The following SETD7 variants were observed in gnomAD, a reference collection of about 807,000 sequenced individuals.
The protein encoded by SETD7 is histone-lysine N-methyltransferase SETD7.
SETD7 carries 16 observed loss-of-function variants against 41.8 expected under a neutral mutation model. That is an observed-to-expected ratio of 0.38 (90% CI 0.26 to 0.58). The LOEUF (loss-of-function observed/expected upper bound fraction) is 0.58. Ranked by LOEUF, SETD7 falls within the 20% of genes least tolerant of loss-of-function variation. SETD7 has a pLI of 0.64. For synonymous variants in SETD7, 163 were observed against 169.7 expected (o/e 0.96, Z 0.31); for missense variants, 346 against 459.7 (o/e 0.75, Z 2.26).
chr4:139,517,994 C>T lies in SETD7; in HGVS notation c.811G>A (p.Glu271Lys). The part of the protein sequence containing the change: ...ALNGNTLSLD[E>K]ETVIDVPEPY... ...TCAGGCACATCAATGACCGTTTCTTCATCAAGGGAGAGGGTGTTCCCATTA... is the reference window on the plus strand; with the variant it reads ...TCAGGCACATCAATGACCGTTTCTTTATCAAGGGAGAGGGTGTTCCCATTA... Residue 271 changes from glutamate (E) to lysine (K), a missense_variant, in exon 7 of 8, where the codon GAA (glutamate) becomes AAA (lysine). This residue lies in a region of SETD7 where 266 missense variants were observed against 377.0 expected (regional missense o/e 0.71). Coordinates refer to ENST00000274031, the MANE Select transcript of SETD7 (RefSeq NM_030648.4). 6.2e-7 allele frequency: 1 copy of T among 1,614,084 alleles called. No individual in the cohort carries two copies. Among genetic ancestry groups the T allele is most frequent in the Non-Finnish European group, 8.5e-7 (1 of 1,179,958 alleles).
downstream of SETD7, among the ~76,000 whole-genome samples, chr4:139,502,990 C>T (rs1008860904): frequency 1.3e-5 from 2 of 151,832 alleles, no homozygotes; most frequent in African/African-American, 4.8e-5. Context: ...CGAGACCAGA[C>T]TGGGCGGTGA....
intron 2 of SETD7, among the ~76,000 whole-genome samples, chr4:139,544,350 G>A (rs987063701): frequency 1.4e-5 from 2 of 143,250 alleles, no homozygotes; most frequent in African/African-American, 5.1e-5. Context: ...TGGTGAATTC[G>A]TGCCTCAAAA....
downstream of SETD7, among the ~76,000 whole-genome samples, chr4:139,494,115 T>A (rs567028770): frequency 6.6e-6 from 1 of 152,342 alleles, no homozygotes; most frequent in South Asian, 2.1e-4. Context: ...CAATCCACAG[T>A]ATCTGCCACT....
chr4:139,538,947 C>T (rs1288860219), intron 2 of SETD7, among the ~76,000 whole-genome samples: 4 of 152,000 alleles, frequency 2.6e-5, no homozygotes, highest in African/African-American at 4.8e-5. Context: ...AGTTAAATTT[C>T]GAGAAATCAG....
intron 7 of SETD7, among the ~76,000 whole-genome samples, chr4:139,496,979 C>T (rs1015475543): frequency 1.3e-5 from 2 of 152,142 alleles, no homozygotes; most frequent in Non-Finnish European, 2.9e-5. Context: ...TAATGCCCAG[C>T]CAGTACTAAT....
rs1728251494 is a variant in SETD7 at position 139,555,819 on chromosome 4, T to G, written c.40+279A>C. On this transcript the variant is annotated intron_variant, in intron 1 of 7. Transcript: ENST00000274031. This position sits in a 1 kb window ranked among gnomAD's most constrained non-coding sequence, Gnocchi z 4.0. ...GGGGCAGGTTTCGCAACTCCGAGGG[T>G]GGATGCAGGCTGTGGCCGGGCGGGA... Among the ~76,000 whole-genome samples the G allele has an allele frequency of 6.6e-6, 1 of 152,038 alleles. No individual in the cohort carries two copies. Among genetic ancestry groups the G allele is most frequent in the African/African-American group, 2.4e-5 (1 of 41,418 alleles).
intron 3 of SETD7, among the ~76,000 whole-genome samples, chr4:139,531,871 A>T (rs1727490117): frequency 6.6e-6 from 1 of 152,178 alleles, no homozygotes; most frequent in Non-Finnish European, 1.5e-5. Flanking sequence ...CAAGGAAATC[A>T]TCTGAGGTCG....
chr4:139,511,512 C>G lies in SETD7; in HGVS notation c.*151G>C. ...TCTGGTATGAGTAATACAGTCAAAC[C>G]TAGTTAGTATGCGAGAAAGTCGTTG... On this transcript the variant is annotated 3_prime_UTR_variant, in exon 8 of 8. Coordinates refer to ENST00000274031, the MANE Select transcript of SETD7 (RefSeq NM_030648.4). The G allele has an allele frequency of 7.0e-7, 1 of 1,431,418 alleles. No individual in the cohort carries two copies. Among genetic ancestry groups the G allele is most frequent in the Non-Finnish European group, 9.5e-7 (1 of 1,052,480 alleles). The allele number at this position is 1,431,418 out of a possible 1,614,324, so 88.7% of individuals were successfully genotyped here.
intron 2 of SETD7, among the ~76,000 whole-genome samples, chr4:139,536,896 G>A (rs911678094): frequency 1.3e-5 from 2 of 152,042 alleles, no homozygotes; most frequent in Non-Finnish European, 2.9e-5. Flanking sequence ...ACAGCTACTC[G>A]AAAGGCTGAG....
At position 139,523,348 on chromosome 4, in the gene SETD7, A is replaced by C. The variant is rs138727500; in HGVS notation, c.644+6T>G. On this transcript the variant is annotated splice_donor_region_variant and intron_variant, in intron 5 of 7. Transcript: ENST00000274031. ...AGTGCAATTAAAACCCCAAGGAGGA[A>C]ATTACCTTTCTGATTCATAAGGATC... The C allele has an allele frequency of 6.2e-7, 1 of 1,604,018 alleles. No individual in the cohort carries two copies. The highest frequency in any genetic ancestry group is 1.3e-5 in the African/African-American group (1 of 74,848).
intron 2 of SETD7, among the ~76,000 whole-genome samples, chr4:139,537,335 T>A (rs550205641): frequency 6.6e-6 from 1 of 152,176 alleles, no homozygotes; most frequent in Non-Finnish European, 1.5e-5. Context: ...AATGTTAATA[T>A]CGGGTCATAT....
chr4:139,544,024 T>C (rs940062234), intron 2 of SETD7, among the ~76,000 whole-genome samples: 4 of 151,912 alleles, frequency 2.6e-5, no homozygotes, highest in Admixed American at 6.6e-5. Context: ...GCACAATGGC[T>C]CACGCCTGTA....
chr4:139,504,275 T>C (rs1726651703), downstream of SETD7, among the ~76,000 whole-genome samples: 1 of 152,362 alleles, frequency 6.6e-6, no homozygotes, highest in South Asian at 2.1e-4. Context: ...AAGCTCTAAA[T>C]TCAAAACCCT....
chr4:139,518,481 G>C (rs949210796), intron 6 of SETD7, among the ~76,000 whole-genome samples: 2 of 152,104 alleles, frequency 1.3e-5, no homozygotes, highest in African/African-American at 2.4e-5. Flanking sequence ...ACAAAACAAG[G>C]CATGTCTCCA....
chr4:139,554,515 A>C (rs113040821), intron 1 of SETD7, among the ~76,000 whole-genome samples: 2 of 152,344 alleles, frequency 1.3e-5, no homozygotes, highest in Admixed American at 6.5e-5. Context: ...CTTTCACAAC[A>C]TGGAGGCACA....
At chr4:139,537,714 T>A (rs1727677608) in intron 2 of SETD7, among the ~76,000 whole-genome samples, 1 of 152,144 alleles carries the variant, frequency 6.6e-6, no homozygotes. Context: ...AGAATAGAAA[T>A]GGAAACTGGG....
chr4:139,504,930 GAATATT>G (rs1274432199), downstream of SETD7, among the ~76,000 whole-genome samples: 1 of 152,186 alleles, frequency 6.6e-6, no homozygotes, highest in Admixed American at 6.5e-5. Flanking sequence ...CAAGGAAGAA[GAATATT>G]AATATTGTGA....
In SETD7 at chr4:139,534,931, G is replaced by C. The variant is rs147130007; in HGVS notation, c.171-1565C>G. Among the ~76,000 whole-genome samples the C allele has an allele frequency of 3.7e-4, 57 of 152,286 alleles. 2 individuals carry two copies. The Middle Eastern group carries it at 0.014, about 36-fold the overall frequency. The stretch of plus-strand genomic sequence containing the variant: ...AAATAATGATAGCTTCTGGTTAAAA[G>C]GTAATTATACTATTTGTAGTATCCC... On this transcript the variant is annotated intron_variant, in intron 2 of 7. Coordinates refer to ENST00000274031, the MANE Select transcript of SETD7 (RefSeq NM_030648.4).
At chr4:139,503,671 T>C (rs892826638), downstream of SETD7, among the ~76,000 whole-genome samples, 2 of 151,584 alleles carry the variant, frequency 1.3e-5, no homozygotes, top group African/African-American at 4.8e-5. Context: ...AATCCATTTA[T>C]TTAATTTATT....
Sources: gnomAD v4.1 joint callset for allele counts (sites outside exome capture counted in the v4.1 genomes callset) on GRCh38, gnomAD v4.1.1 for gene constraint, gnomAD v4.1.1 regional missense constraint, Gnocchi (gnomAD v3.1) non-coding constraint, MANE v1.5 for transcripts, NCBI Gene and HGNC (gene_info 2026-07-23, HGNC 2026-07-21) for gene names.